Variants in ATP13A5 observed in about 807,000 individuals in gnomAD.
ATP13A5 encodes the protein ATPase 13A5.
In ATP13A5, 149 loss-of-function variants were observed where a neutral mutation model predicts 150.2. The observed-to-expected ratio is 0.99, with a 90% CI of 0.87 to 1.14. The LOEUF (loss-of-function observed/expected upper bound fraction) is 1.14, where lower values mean the gene tolerates loss of function less well. Among genes scored for constraint, ATP13A5 ranks in the 50% most tolerant of loss-of-function variants. The probability of loss-of-function intolerance (pLI) is 0.00; values close to 1 mark genes in which losing one functional copy is unlikely to be tolerated. For synonymous variants in ATP13A5, 497 were observed against 522.2 expected (o/e 0.95, Z 0.66); for missense variants, 1,383 against 1,449.3 (o/e 0.95, Z 0.74).
At chr3:193,314,214 G>T (rs1718961464) in intron 18 of ATP13A5, 21 bp from the exon 19 acceptor site, 1 of 1,611,530 alleles carries the variant, frequency 6.2e-7, no homozygotes. Context: ...AAGAAACTTT[G>T]CTTGCTGTAT....
chr3:193,367,286 G>A (rs977483961), intron 1 of ATP13A5, among the ~76,000 whole-genome samples: 9 of 152,020 alleles, frequency 5.9e-5, no homozygotes, highest in Non-Finnish European at 1.3e-4. Context: ...TAATAACATT[G>A]ATAAACTCAT....
At chr3:193,307,885 T>C (rs1288614219) in intron 21 of ATP13A5, among the ~76,000 whole-genome samples, 1 of 152,218 alleles carries the variant, frequency 6.6e-6, no homozygotes, top group Non-Finnish European at 1.5e-5. Flanking sequence ...AGATATGTTT[T>C]CCATCTATAT....
At chr3:193,342,958 C>T (rs535987274) in intron 9 of ATP13A5, among the ~76,000 whole-genome samples, 19 of 152,272 alleles carry the variant, frequency 1.2e-4, no homozygotes, top group Admixed American at 3.3e-4. Context: ...CATTATAGGA[C>T]ACATTTCAAC....
chr3:193,365,290 C>A (rs948350675), intron 1 of ATP13A5, among the ~76,000 whole-genome samples: 1 of 152,044 alleles, frequency 6.6e-6, no homozygotes, highest in African/African-American at 2.4e-5. Context: ...CGGGAACATC[C>A]TGCATTTTAT....
chr3:193,325,175 G>A (rs11715170), intron 13 of ATP13A5, among the ~76,000 whole-genome samples, 161 bp from the exon 14 acceptor site: 86,898 of 151,994 alleles, frequency 0.57, 25,622 homozygotes, highest in Non-Finnish European at 0.65. Context: ...CCTTAGCCTG[G>A]TATTCAAAGT....
In ATP13A5 at chr3:193,344,175, T is replaced by C. The variant is rs1015482737; in HGVS notation, c.815-120A>G. The C allele has an allele frequency of 3.2e-6, 4 of 1,261,650 alleles. No individual in the cohort carries two copies. The East Asian group carries it at 1.0e-4, about 32-fold the overall frequency. 78.2% of individuals were successfully genotyped at this position (1,261,650 alleles called of 1,614,324 possible). A position where few individuals can be genotyped will look rare whatever the true frequency, so the allele number is the denominator to read the frequency against. ...AGAGCTACCCTACCTGTTCAACTGT[T>C]GAAGCCCCTTTTTAGTCAATTGAAA... On this transcript the variant is annotated intron_variant, in intron 8 of 29. Transcript: ENST00000342358.
chr3:193,282,838 A>T (rs895767294), intron 27 of ATP13A5, among the ~76,000 whole-genome samples: 3 of 152,240 alleles, frequency 2.0e-5, no homozygotes, highest in African/African-American at 7.2e-5. Context: ...TTCCCAAAGT[A>T]TCAAAATCCC....
At chr3:193,336,217 A>T (rs1302474566) in intron 9 of ATP13A5, among the ~76,000 whole-genome samples, 2 of 152,080 alleles carry the variant, frequency 1.3e-5, no homozygotes, top group Non-Finnish European at 2.9e-5. Flanking sequence ...GATATGTAAT[A>T]GGTTCAAAAC....
intron 13 of ATP13A5, among the ~76,000 whole-genome samples, chr3:193,325,494 A>G (rs1719437031): frequency 2.0e-5 from 3 of 152,154 alleles, no homozygotes; most frequent in Admixed American, 6.5e-5. Flanking sequence ...TTTTCATATT[A>G]CTTGAAGCCA....
At chr3:193,367,774 A>G (rs182928261) in intron 1 of ATP13A5, among the ~76,000 whole-genome samples, 35 of 152,288 alleles carry the variant, frequency 2.3e-4, no homozygotes, top group Admixed American at 3.9e-4. Context: ...ATTCTACACC[A>G]ATACATGATT....
At position 193,342,460 on chromosome 3, in the gene ATP13A5, G is replaced by T. The variant is rs576494310; in HGVS notation, c.943+1467C>A. Among the ~76,000 whole-genome samples the T allele has an allele frequency of 2.4e-3, 373 of 152,262 alleles. 1 individual carries two copies. Among genetic ancestry groups the T allele is most frequent in the Non-Finnish European group, 4.7e-3 (320 of 68,030 alleles). On this transcript the variant is annotated intron_variant, in intron 9 of 29. Transcript: ENST00000342358. ...AAGAAGTTAACAAAAAAGAAATAAT[G>T]TATTTTTACTTCATGTGTCTGTCTC...
At position 193,364,215 on chromosome 3, in the gene ATP13A5, G is replaced by A; in HGVS notation, c.129C>T (p.Thr43=). The part of the protein sequence containing the change: ...KAFCLVASVL[T]CGGLLLVFYW... ...AGAACACCAGCAGAAGGCCCCCACA[G>A]GTCAGCACGGATGCGACAAGGCAGA... The change falls in exon 2 of 30, where the codon ACC becomes ACT. Residue 43 remains threonine (T), a synonymous_variant. Coordinates refer to ENST00000342358, the MANE Select transcript of ATP13A5 (RefSeq NM_198505.4). 1.2e-6 allele frequency: 2 copies of A among 1,614,118 alleles called. No individual in the cohort carries two copies. Among genetic ancestry groups the A allele is most frequent in the East Asian group, 2.2e-5 (1 of 44,876 alleles).
intron 23 of ATP13A5, among the ~76,000 whole-genome samples, chr3:193,304,735 T>C (rs1414768196): frequency 6.6e-6 from 1 of 152,188 alleles, no homozygotes; most frequent in Non-Finnish European, 1.5e-5. Flanking sequence ...CGTCTGTTAA[T>C]GGCTTCCTGT....
At chr3:193,278,664 T>C (rs1006862477) in intron 28 of ATP13A5, among the ~76,000 whole-genome samples, 30 of 152,214 alleles carry the variant, frequency 2.0e-4, no homozygotes, top group African/African-American at 6.8e-4. Context: ...ATCTCATCAA[T>C]GAAATGCCTC....
intron 26 of ATP13A5, among the ~76,000 whole-genome samples, chr3:193,286,197 A>G (rs57392542): frequency 6.6e-6 from 1 of 152,170 alleles, no homozygotes; most frequent in Admixed American, 6.5e-5. Context: ...AAACTTTTAA[A>G]CCACTATTAC....
rs1488153405 is a variant in ATP13A5, at chr3:193,364,358, CTT to C, written c.64-80_64-79del. On this transcript the variant is annotated intron_variant, in intron 1 of 29. Coordinates refer to ENST00000342358, the MANE Select transcript of ATP13A5 (RefSeq NM_198505.4). Reference sequence around the variant, plus strand: ...TATTATTTTCTTTCAATAAACCAAACTTGAGATGAAAGAATGTTGGCTGGGAG... The same window carrying C: ...TATTATTTTCTTTCAATAAACCAAACGAGATGAAAGAATGTTGGCTGGGAG... 7.3e-6 allele frequency: 11 copies of C among 1,515,834 alleles called. No individual in the cohort carries two copies. In the South Asian group the frequency reaches 7.7e-5, roughly 11 times the overall value. 93.9% of individuals were successfully genotyped at this position (1,515,834 alleles called of 1,614,324 possible). A position where few individuals can be genotyped will look rare whatever the true frequency, so the allele number is the denominator to read the frequency against.
Position 193,321,678 on chromosome 3 carries a change from T to C in ATP13A5, c.1915+3A>G. ...ACTTCTTGAAAGAGAAAAGTGTTAG[T>C]ACCTGTTTCAGATCTGCAGAACCTG... On this transcript the variant is annotated splice_donor_region_variant and intron_variant, in intron 16 of 29. Coordinates refer to ENST00000342358, the MANE Select transcript of ATP13A5 (RefSeq NM_198505.4). The C allele has an allele frequency of 6.2e-7, 1 of 1,613,986 alleles. No individual in the cohort carries two copies. The highest frequency in any genetic ancestry group is 8.5e-7 in the Non-Finnish European group (1 of 1,179,930).
At chr3:193,296,311 C>T (rs1718168154) in intron 25 of ATP13A5, among the ~76,000 whole-genome samples, 1 of 152,082 alleles carries the variant, frequency 6.6e-6, no homozygotes, top group Non-Finnish European at 1.5e-5. Context: ...TGCCTATTGC[C>T]TAAATGTGGG....
intron 11 of ATP13A5, among the ~76,000 whole-genome samples, chr3:193,332,748 G>A (rs1403837994): frequency 6.6e-6 from 1 of 152,128 alleles, no homozygotes; most frequent in Non-Finnish European, 1.5e-5. Context: ...GCAGCCAACA[G>A]AGCCACAGGT....
Sources: allele counts gnomAD v4.1 joint callset (sites outside exome capture counted in the v4.1 genomes callset), GRCh38; gene constraint gnomAD v4.1.1; transcripts MANE v1.5; gene names NCBI Gene and HGNC (gene_info 2026-07-23, HGNC 2026-07-21).